The following LHFPL3 variants were observed in gnomAD, a reference collection of about 807,000 sequenced individuals.
The protein encoded by LHFPL3 is LHFPL tetraspan subfamily member 3 protein.
A neutral mutation model predicts 19.3 loss-of-function variants in LHFPL3; 5 were observed. The observed-to-expected ratio is 0.26, with a 90% CI of 0.14 to 0.54. The LOEUF is 0.54. Among genes scored for constraint, LHFPL3 ranks in the 20% least tolerant of loss-of-function variants. The pLI is 0.94. For synonymous variants in LHFPL3, 133 were observed against 126.2 expected (o/e 1.05, Z -0.36); for missense variants, 249 against 307.4 (o/e 0.81, Z 1.42).
chr7:104,635,788 C>G (rs1791718653), intron 1 of LHFPL3, among the ~76,000 whole-genome samples: 1 of 151,998 alleles, frequency 6.6e-6, no homozygotes, highest in South Asian at 2.1e-4. Flanking sequence ...AAGGGAAGTT[C>G]CAGCAGGAAA....
At chr7:104,409,168 G>T (rs868727773) in intron 1 of LHFPL3, among the ~76,000 whole-genome samples, 3 of 151,900 alleles carry the variant, frequency 2.0e-5, no homozygotes, top group African/African-American at 7.3e-5. Flanking sequence ...GAGCCACGGC[G>T]CCCGGCCTAG....
At chr7:104,536,840 G>C (rs781055073) in intron 1 of LHFPL3, among the ~76,000 whole-genome samples, 3 of 152,112 alleles carry the variant, frequency 2.0e-5, no homozygotes, top group Non-Finnish European at 4.4e-5. Flanking sequence ...ATTTACAATA[G>C]AACATGCCAG....
intron 1 of LHFPL3, among the ~76,000 whole-genome samples, chr7:104,360,720 T>A (rs909088856): frequency 6.6e-6 from 1 of 151,274 alleles, no homozygotes; most frequent in African/African-American, 2.4e-5. Context: ...TGTGTGTGTG[T>A]GTGTGTGTGT....
intron 2 of LHFPL3, among the ~76,000 whole-genome samples, chr7:104,829,091 T>C (rs974630232): frequency 6.6e-6 from 1 of 151,678 alleles, no homozygotes; most frequent in Non-Finnish European, 1.5e-5. Context: ...GAGGCTCAGA[T>C]TGTGGTTTGG....
At chr7:104,848,911 G>T (rs10281366) in intron 2 of LHFPL3, among the ~76,000 whole-genome samples, 33,901 of 145,828 alleles carry the variant, frequency 0.23, 3,986 homozygotes, top group East Asian at 0.35. Context: ...TTTTTTTTTT[G>T]TTGTTGTTGT....
intron 2 of LHFPL3, chr7:104,894,816 C>T (rs564616722): frequency 1.3e-5 from 2 of 152,304 alleles, no homozygotes; most frequent in East Asian, 3.9e-4. Flanking sequence ...GTCCACTTTA[C>T]AGACAAGAAA....
At chr7:104,875,175 C>A (rs562177599) in intron 2 of LHFPL3, among the ~76,000 whole-genome samples, 1 of 152,268 alleles carries the variant, frequency 6.6e-6, no homozygotes, top group Non-Finnish European at 1.5e-5. Context: ...AAAATAACTT[C>A]ACATAAATTC....
intron 1 of LHFPL3, among the ~76,000 whole-genome samples, chr7:104,704,229 T>G (rs1793148188): frequency 6.6e-6 from 1 of 152,224 alleles, no homozygotes; most frequent in Non-Finnish European, 1.5e-5. Flanking sequence ...ATATTGTTTT[T>G]TCATAGCACC....
At chr7:104,839,430 G>A (rs1388555404) in intron 2 of LHFPL3, among the ~76,000 whole-genome samples, 1 of 152,140 alleles carries the variant, frequency 6.6e-6, no homozygotes, top group Admixed American at 6.5e-5. Context: ...ATATTCGGAG[G>A]CCGAGGCAGG....
intron 2 of LHFPL3, among the ~76,000 whole-genome samples, chr7:104,905,476 C>T (rs1165876506): frequency 2.6e-5 from 4 of 152,080 alleles, no homozygotes; most frequent in African/African-American, 9.7e-5. Context: ...CATCCCTACA[C>T]TCTGGGAGGC....
chr7:104,487,459 A>G (rs1793259195), intron 1 of LHFPL3, among the ~76,000 whole-genome samples: 1 of 152,188 alleles, frequency 6.6e-6, no homozygotes, highest in Admixed American at 6.5e-5. Context: ...CGTGTGGTGC[A>G]CTCACACACA....
At chr7:104,745,862 T>A (rs1282840460) in intron 2 of LHFPL3, among the ~76,000 whole-genome samples, 5 of 152,134 alleles carry the variant, frequency 3.3e-5, no homozygotes, top group Admixed American at 3.3e-4. Context: ...GGTCAACAAT[T>A]CATATGCTTC....
At chr7:104,737,006 A>T (rs4236573) in intron 2 of LHFPL3, 95 bp downstream of exon 2, 11 of 969,452 alleles carry the variant, frequency 1.1e-5, no homozygotes, top group Admixed American at 2.2e-5. Flanking sequence ...GCTTCCCCTG[A>T]GGTTCTAATT....
At chr7:104,435,488 TGA>T (rs1333103544) in intron 1 of LHFPL3, among the ~76,000 whole-genome samples, 1 of 151,056 alleles carries the variant, frequency 6.6e-6, no homozygotes, top group East Asian at 1.9e-4. Context: ...TTTTATAAAA[TGA>T]CTTTTTATAA....
chr7:104,332,601 A>G (rs956685232), intron 1 of LHFPL3, among the ~76,000 whole-genome samples: 1 of 152,180 alleles, frequency 6.6e-6, no homozygotes, highest in Non-Finnish European at 1.5e-5. Context: ...ATAAAAAATT[A>G]TTATTTTTAT....
intron 2 of LHFPL3, among the ~76,000 whole-genome samples, chr7:104,805,433 T>G (rs1432982054): frequency 6.6e-6 from 1 of 152,192 alleles, no homozygotes; most frequent in Non-Finnish European, 1.5e-5. Context: ...TCTGTAGCAA[T>G]GTAGTGATGT....
At chr7:104,554,640 CAGATAGAT>C (rs55796324) in intron 1 of LHFPL3, among the ~76,000 whole-genome samples, 28,859 of 143,764 alleles carry the variant, frequency 0.2, 3,067 homozygotes, top group Non-Finnish European at 0.24. Context: ...ATTAGATAGA[CAGATAGAT>C]AGATAGATAG....
At chr7:104,469,881 ATATAT>A (rs1477308534) in intron 1 of LHFPL3, among the ~76,000 whole-genome samples, 4 of 152,192 alleles carry the variant, frequency 2.6e-5, no homozygotes, top group Non-Finnish European at 5.9e-5. Flanking sequence ...GAGATAAATG[ATATAT>A]TAATATTAAT....
chr7:104,357,236 G>A (rs375276450), intron 1 of LHFPL3, among the ~76,000 whole-genome samples: 8 of 152,108 alleles, frequency 5.3e-5, no homozygotes, highest in African/African-American at 1.4e-4. Flanking sequence ...TCTGGGTCTC[G>A]TAGTATCATG....
Sources: allele counts gnomAD v4.1 joint callset (sites outside exome capture counted in the v4.1 genomes callset), GRCh38; gene constraint gnomAD v4.1.1; transcripts MANE v1.5; gene names NCBI Gene and HGNC (gene_info 2026-07-23, HGNC 2026-07-21).